Variants in CDKL3 observed in about 807,000 individuals in gnomAD.
The protein encoded by CDKL3 is cyclin dependent kinase like 3, also known as cyclin-dependent kinase-like 3.
CDKL3 carries 65 observed loss-of-function variants against 69.3 expected under a neutral mutation model. That is an observed-to-expected ratio of 0.94 (90% CI 0.77 to 1.15). CDKL3 has a LOEUF of 1.15. Among genes scored for constraint, CDKL3 ranks in the 50% most tolerant of loss-of-function variants. The pLI is 0.00. For synonymous variants in CDKL3, 202 were observed against 221.6 expected (o/e 0.91, Z 0.79); for missense variants, 652 against 689.2 (o/e 0.95, Z 0.61).
At chr5:134,350,832 A>AAAAAAAAAAAAAAAAAAAAG (rs1753093797) in intron 3 of CDKL3, among the ~76,000 whole-genome samples, 1 of 104,784 alleles carries the variant, frequency 9.5e-6, no homozygotes, top group African/African-American at 4.7e-5. Context: ...GAAAAAAAAG[A>AAAAAAAAAAAAAAAAAAAAG]AAAAAAAAAA....
chr5:134,328,715 C>T (rs1451525668), intron 4 of CDKL3, among the ~76,000 whole-genome samples: 2 of 152,092 alleles, frequency 1.3e-5, no homozygotes, highest in Non-Finnish European at 2.9e-5. Context: ...AATCCACAAA[C>T]TAACACATCA....
At chr5:134,358,237 C>A (rs1755093933) in intron 3 of CDKL3, among the ~76,000 whole-genome samples, 4 of 152,184 alleles carry the variant, frequency 2.6e-5, no homozygotes, top group Admixed American at 2.0e-4. Flanking sequence ...TTCCCTGTAA[C>A]CTGACTTAAC....
At chr5:134,345,963 T>C (rs1415007195) in intron 4 of CDKL3, among the ~76,000 whole-genome samples, 3 of 152,194 alleles carry the variant, frequency 2.0e-5, no homozygotes, top group Non-Finnish European at 2.9e-5. Context: ...TACTTTGAAC[T>C]GAAGGAGATT....
At chr5:134,332,721 G>T (rs1233855611) in intron 4 of CDKL3, among the ~76,000 whole-genome samples, 1 of 152,182 alleles carries the variant, frequency 6.6e-6, no homozygotes, top group Non-Finnish European at 1.5e-5. Context: ...TTGAAGTCAG[G>T]TAGTGTGATG....
At chr5:134,371,579 CG>C (rs548060536), upstream of CDKL3, 67 of 1,611,764 alleles carry the variant, frequency 4.2e-5, no homozygotes, top group Admixed American at 8.5e-4. Context: ...AGACTGACCG[CG>C]GGGCAGCTGC....
chr5:134,350,197 A>G, intron 4 of CDKL3, 52 bp downstream of exon 4: 2 of 1,395,804 alleles, frequency 1.4e-6, no homozygotes, highest in East Asian at 5.2e-5. Flanking sequence ...CAAAAAATAA[A>G]CAAAAAAAGA....
upstream of CDKL3, among the ~76,000 whole-genome samples, chr5:134,369,231 T>C (rs1237486653): frequency 6.6e-6 from 1 of 152,212 alleles, no homozygotes; most frequent in Non-Finnish European, 1.5e-5. Context: ...GACTTTATGA[T>C]GCACATTCAC....
intron 7 of CDKL3, among the ~76,000 whole-genome samples, chr5:134,309,993 G>C (rs2149448473): frequency 6.6e-6 from 1 of 151,904 alleles, no homozygotes; most frequent in African/African-American, 2.4e-5. Flanking sequence ...AACACACCCA[G>C]ATAATTTTTG....
At chr5:134,342,465 T>C (rs1413831964) in intron 4 of CDKL3, among the ~76,000 whole-genome samples, 1 of 152,042 alleles carries the variant, frequency 6.6e-6, no homozygotes, top group Non-Finnish European at 1.5e-5. Context: ...CCAGACGTAG[T>C]GGCGGACGCT....
chr5:134,315,802 C>T (rs933697318), intron 6 of CDKL3, among the ~76,000 whole-genome samples: 1 of 152,008 alleles, frequency 6.6e-6, no homozygotes, highest in Non-Finnish European at 1.5e-5. Flanking sequence ...GCCTGGGCAA[C>T]ATAGCAAGTC....
chr5:134,327,291 G>A lies in CDKL3; in HGVS notation c.540-5388C>T, dbSNP rs183592894. ...ATAAGGCAGAGGTTTCATGCCAGGA[G>A]AAGCAAGCTGAGGGGACCTCAGGTT... On this transcript the variant is annotated intron_variant, in intron 4 of 12. Transcript: ENST00000265334. Among the ~76,000 whole-genome samples the A allele has an allele frequency of 5.8e-4, 88 of 152,262 alleles. 1 individual carries two copies. The highest frequency in any genetic ancestry group is 1.8e-3 in the African/African-American group (76 of 41,562).
At chr5:134,320,667 A>G (rs1772488624) in intron 5 of CDKL3, among the ~76,000 whole-genome samples, 1 of 151,974 alleles carries the variant, frequency 6.6e-6, no homozygotes, top group Non-Finnish European at 1.5e-5. Flanking sequence ...CGAGGTCAGG[A>G]AATCGAGACC....
At chr5:134,298,154 G>A (rs1765480013), downstream of CDKL3, 4 of 642,172 alleles carry the variant, frequency 6.2e-6, no homozygotes, top group South Asian at 7.0e-5. Flanking sequence ...GGCTGGTTTC[G>A]AACTCCTGAC....
intron 10 of CDKL3, among the ~76,000 whole-genome samples, chr5:134,305,335 A>G (rs1009427952): frequency 6.6e-6 from 1 of 151,968 alleles, no homozygotes; most frequent in Admixed American, 6.6e-5. Context: ...GCTGATCTCA[A>G]ATTCCTGGGA....
chr5:134,288,957 T>A (rs1764998097), intron 8 of CDKL3, among the ~76,000 whole-genome samples: 2 of 150,980 alleles, frequency 1.3e-5, no homozygotes, highest in Admixed American at 6.6e-5. Flanking sequence ...TTTTTTTTTT[T>A]AAAGAACCAG....
At chr5:134,295,849 G>A (rs935511256), downstream of CDKL3, among the ~76,000 whole-genome samples, 2 of 152,116 alleles carry the variant, frequency 1.3e-5, no homozygotes, top group African/African-American at 2.4e-5. Flanking sequence ...GTACCACATA[G>A]AAGGCATTAT....
downstream of CDKL3, among the ~76,000 whole-genome samples, chr5:134,295,011 C>CTTT (rs869256167): frequency 1.5e-3 from 148 of 100,406 alleles, no homozygotes; most frequent in Non-Finnish European, 2.2e-3. Flanking sequence ...ATTTTTTTTT[C>CTTT]TTTTTTTTTT....
At chr5:134,355,552 T>C (rs1002093737) in intron 3 of CDKL3, among the ~76,000 whole-genome samples, 28 of 152,358 alleles carry the variant, frequency 1.8e-4, no homozygotes, top group Middle Eastern at 3.4e-3. Flanking sequence ...TGAAAAGTTA[T>C]ATCGCAATTC....
At chr5:134,365,843 T>C (rs949209177) in intron 2 of CDKL3, among the ~76,000 whole-genome samples, 2 of 152,228 alleles carry the variant, frequency 1.3e-5, no homozygotes, top group Non-Finnish European at 2.9e-5. Context: ...TCCTCTAACC[T>C]AGAACACAAC....
Sources: gnomAD v4.1 joint callset for allele counts (sites outside exome capture counted in the v4.1 genomes callset) on GRCh38, gnomAD v4.1.1 for gene constraint, MANE v1.5 for transcripts, NCBI Gene and HGNC (gene_info 2026-07-23, HGNC 2026-07-21) for gene names.